The following IRAG1 variants were observed in gnomAD, a reference collection of about 807,000 sequenced individuals.
IRAG1 encodes inositol 1,4,5-triphosphate receptor associated 1, also known as IP3R-associated cGMP kinase substrate.
IRAG1 carries 62 observed loss-of-function variants against 106.2 expected under a neutral mutation model. The ratio of observed to expected loss-of-function variants is 0.58; its 90% confidence interval spans 0.48 to 0.72. The LOEUF is 0.72. Ranked by LOEUF, IRAG1 falls within the 30% of genes least tolerant of loss-of-function variation. IRAG1 has a pLI of 0.00. For synonymous variants in IRAG1, 462 were observed against 443.9 expected, an observed-to-expected ratio of 1.04 and a Z score of -0.51; for missense variants, 1,064 against 1,140.7, an observed-to-expected ratio of 0.93 and a Z score of 0.97.
intron 1 of IRAG1, among the ~76,000 whole-genome samples, chr11:10,679,877 T>C (rs10219371): frequency 0.095 from 14,437 of 152,258 alleles, 2,296 homozygotes; most frequent in African/African-American, 0.33. Context: ...AAAGTAAATG[T>C]GCAGTATAAA....
At chr11:10,654,774 A>G (rs1176537612) in intron 1 of IRAG1, among the ~76,000 whole-genome samples, 1 of 152,234 alleles carries the variant, frequency 6.6e-6, no homozygotes, top group Non-Finnish European at 1.5e-5. Flanking sequence ...AGCCGTGAAC[A>G]CAAATGCTGA....
At chr11:10,637,178 T>G (rs895159779) in intron 2 of IRAG1, among the ~76,000 whole-genome samples, 7 of 152,208 alleles carry the variant, frequency 4.6e-5, no homozygotes, top group African/African-American at 1.7e-4. Context: ...GCCCAGTTAT[T>G]AGAACATCTA....
At chr11:10,632,676 A>G (rs1422252378) in intron 3 of IRAG1, among the ~76,000 whole-genome samples, 1 of 152,194 alleles carries the variant, frequency 6.6e-6, no homozygotes, top group African/African-American at 2.4e-5. Context: ...GACGCGTGCT[A>G]AAGTTTTCCA....
In IRAG1 at chr11:10,628,044, TAGTG is replaced by T. The variant is rs1856389992; in HGVS notation, c.653-23_653-20del. The T allele has an allele frequency of 7.4e-6, 12 of 1,613,530 alleles. No homozygotes were observed. In the East Asian group the frequency reaches 2.7e-4, roughly 36 times the overall value. On this transcript the variant is annotated intron_variant, in intron 6 of 20. Coordinates refer to ENST00000423302, the MANE Select transcript of IRAG1 (RefSeq NM_130385.4). This position sits in a 1 kb window ranked among gnomAD's most constrained non-coding sequence, Gnocchi z 4.1. The stretch of plus-strand genomic sequence containing the variant: ...TCCAAACCTGGAAGGGTCCAGACAC[TAGTG>T]AGTGAGGCCCAGCAGCCCAGGCCCT...
In IRAG1 at chr11:10,576,234, G is replaced by T; in HGVS notation, c.*98C>A. 6.7e-7 allele frequency: 1 copy of T among 1,501,226 alleles called. No homozygotes were observed. The highest frequency in any genetic ancestry group is 9.1e-7 in the Non-Finnish European group (1 of 1,102,144). 93.0% of individuals were successfully genotyped at this position (1,501,226 alleles called of 1,614,324 possible). A position where few individuals can be genotyped will look rare whatever the true frequency, so the allele number is the denominator to read the frequency against. ...CCCTTCCTCATGACCTGATGGGATG[G>T]GCGGCAGTGTGTCCACACTTGGGCC... On this transcript the variant is annotated 3_prime_UTR_variant, in exon 21 of 21. Coordinates refer to ENST00000423302, the MANE Select transcript of IRAG1 (RefSeq NM_130385.4).
intron 11 of IRAG1, among the ~76,000 whole-genome samples, chr11:10,607,678 T>G (rs1290328092): frequency 3.9e-5 from 6 of 152,156 alleles, no homozygotes; most frequent in Non-Finnish European, 2.9e-5. Flanking sequence ...TCAATAAGCT[T>G]CTCAGGAAAC....
chr11:10,674,886 C>T (rs1860526671), intron 1 of IRAG1, among the ~76,000 whole-genome samples: 1 of 152,230 alleles, frequency 6.6e-6, no homozygotes, highest in African/African-American at 2.4e-5. Context: ...CCAAGCTACA[C>T]AATATTCCTG....
At chr11:10,596,526 A>G (rs891341453) in intron 15 of IRAG1, among the ~76,000 whole-genome samples, 3 of 152,098 alleles carry the variant, frequency 2.0e-5, no homozygotes, top group African/African-American at 7.2e-5. Flanking sequence ...TCTGAATCCA[A>G]TGATTGATGA....
At chr11:10,682,405 C>T (rs1271301618) in intron 1 of IRAG1, among the ~76,000 whole-genome samples, 1 of 152,154 alleles carries the variant, frequency 6.6e-6, no homozygotes, top group Non-Finnish European at 1.5e-5. Flanking sequence ...GGACAACTTG[C>T]CAAATGTTTT....
At chr11:10,683,321 T>C (rs1026509484) in intron 1 of IRAG1, among the ~76,000 whole-genome samples, 11 of 148,648 alleles carry the variant, frequency 7.4e-5, no homozygotes, top group African/African-American at 2.7e-4. Flanking sequence ...TAACCAAACC[T>C]ACTATCATAA....
intron 10 of IRAG1, chr11:10,611,796 G>C (rs932064772): frequency 6.6e-6 from 1 of 152,222 alleles, no homozygotes; most frequent in African/African-American, 2.4e-5. Context: ...CCACAGAATA[G>C]AGAGGGAAAG....
chr11:10,667,628 T>C (rs1859890277), intron 1 of IRAG1, among the ~76,000 whole-genome samples: 1 of 152,146 alleles, frequency 6.6e-6, no homozygotes, highest in Non-Finnish European at 1.5e-5. Context: ...TGGAGGGTGG[T>C]TCTCCTATGA....
In IRAG1 at chr11:10,592,532, T is replaced by G. The variant is rs16908009; in HGVS notation, c.2176-920A>C. On this transcript the variant is annotated intron_variant, in intron 17 of 20. Transcript: ENST00000423302. The stretch of plus-strand genomic sequence containing the variant: ...ATTGGTATTACATAGAGCTTGAATT[T>G]CCAGTTGCTTACACAATCAGATTGT... Among the ~76,000 whole-genome samples, 684 of 152,298 alleles carry G rather than the reference T, an allele frequency of 4.5e-3. 25 individuals are homozygous for G. The highest frequency in any genetic ancestry group is 0.033 in the Admixed American group (509 of 15,286).
intron 20 of IRAG1, among the ~76,000 whole-genome samples, 155 bp downstream of exon 20, chr11:10,580,300 A>T (rs1161385432): frequency 1.3e-5 from 2 of 152,034 alleles, no homozygotes; most frequent in Non-Finnish European, 2.9e-5. Flanking sequence ...CTCCTTCCCA[A>T]CATGTGTGCC....
chr11:10,679,891 G>A (rs10219426), intron 1 of IRAG1, among the ~76,000 whole-genome samples: 3 of 152,160 alleles, frequency 2.0e-5, no homozygotes, highest in Admixed American at 6.5e-5. Context: ...GTATAAATCT[G>A]CAAGAAGGGG....
chr11:10,601,006 T>G lies in IRAG1; in HGVS notation c.1929A>C (p.Leu643=). Residue 643 remains leucine, a synonymous_variant, in exon 15 of 21, where the codon CTA becomes CTC. Coordinates refer to ENST00000423302, the MANE Select transcript of IRAG1 (RefSeq NM_130385.4). The part of the protein sequence containing the change: ...TEVMMQYVEN[L]KRTYEKDHAE... ...CATGGTCCTTCTCATACGTCCTCTT[T>G]AGATTCTCCACATACTGCATCATCA... is the stretch of plus-strand genomic sequence containing the variant. 6.2e-7 allele frequency: 1 copy of G among 1,614,086 alleles called. No homozygotes were observed. The highest frequency in any genetic ancestry group is 1.3e-5 in the African/African-American group (1 of 75,080).
At position 10,628,130 on chromosome 11, in the gene IRAG1, G is replaced by T; in HGVS notation, c.653-105C>A. ...GGGCTATCCTCCCTTTGCAATCTCA[G>T]GCCTGGAAGATTTGCTGACTACCTC... On this transcript the variant is annotated intron_variant, in intron 6 of 20. Coordinates refer to ENST00000423302, the MANE Select transcript of IRAG1 (RefSeq NM_130385.4). This position sits in a 1 kb window ranked among gnomAD's most constrained non-coding sequence, Gnocchi z 4.1. The T allele has an allele frequency of 7.8e-7, 1 of 1,290,124 alleles. No homozygotes were observed. The highest frequency in any genetic ancestry group is 1.1e-6 in the Non-Finnish European group (1 of 905,606). The allele number at this position is 1,290,124 out of a possible 1,614,324, so 79.9% of individuals were successfully genotyped here.
At chr11:10,689,239 T>G (rs912162810) in intron 1 of IRAG1, among the ~76,000 whole-genome samples, 1 of 152,140 alleles carries the variant, frequency 6.6e-6, no homozygotes, top group African/African-American at 2.4e-5. Flanking sequence ...TGAAGGCATA[T>G]GAGGCTTAAA....
At chr11:10,641,862 C>T (rs1857540247) in intron 2 of IRAG1, among the ~76,000 whole-genome samples, 2 of 152,216 alleles carry the variant, frequency 1.3e-5, no homozygotes, top group Admixed American at 6.5e-5. Flanking sequence ...AGGGCTGTGC[C>T]GCTTGTAAAT....
Sources: gnomAD v4.1 joint callset for allele counts (sites outside exome capture counted in the v4.1 genomes callset) on GRCh38, gnomAD v4.1.1 for gene constraint, Gnocchi (gnomAD v3.1) non-coding constraint, MANE v1.5 for transcripts, NCBI Gene and HGNC (gene_info 2026-07-23, HGNC 2026-07-21) for gene names.